SRP19: variants seen among roughly 807,000 people sequenced by gnomAD.
SRP19 encodes the protein signal recognition particle 19 kDa protein.
A neutral mutation model predicts 22.4 loss-of-function variants in SRP19; 11 were observed. The ratio of observed to expected loss-of-function variants is 0.49; its 90% CI spans 0.31 to 0.81. The LOEUF is 0.81. SRP19 is among the 40% of genes least tolerant of loss of function. SRP19 has a pLI of 0.05. For missense variants in SRP19, 168 were observed against 175.9 expected (o/e 0.96, Z 0.25); for synonymous variants, 61 against 57.6 (o/e 1.06, Z -0.27).
chr5:112,873,587 TCCACCTGCCTGGGCCTC>T (rs1450088665), downstream of SRP19, among the ~76,000 whole-genome samples: 1 of 152,012 alleles, frequency 6.6e-6, no homozygotes, highest in Non-Finnish European at 1.5e-5. Context: ...CCTCAGGTGA[TCCACCTGCCTGGGCCTC>T]CCAAAGTGCT....
chr5:112,868,342 T>C lies in SRP19; in HGVS notation c.*805T>C. 6 of 988,094 alleles carry C rather than the reference T, an allele frequency of 6.1e-6. No homozygotes were observed. The highest frequency in any genetic ancestry group is 7.2e-6 in the Non-Finnish European group (6 of 831,708). The allele number at this position is 988,094 out of a possible 1,614,324, so 61.2% of individuals were successfully genotyped here. ...TTCTTCCTGAGGCCTGGTTTAGCTC[T>C]TCCTTGAATTCTGCAAGCTATCTCA... is the stretch of plus-strand genomic sequence containing the variant. On this transcript the variant is annotated 3_prime_UTR_variant, in exon 5 of 5. Coordinates refer to ENST00000505459, the MANE Select transcript of SRP19 (RefSeq NM_003135.3).
chr5:112,892,154 A>C, exon 5 of SRP19: 1 of 1,614,194 alleles, frequency 6.2e-7, no homozygotes, highest in Non-Finnish European at 8.5e-7. Context: ...GTAATGGAGA[A>C]GGATCGAGCT....
intron 4 of SRP19, among the ~76,000 whole-genome samples, chr5:112,865,688 G>C (rs1376537975): frequency 6.6e-6 from 1 of 151,546 alleles, no homozygotes; most frequent in Non-Finnish European, 1.5e-5. Flanking sequence ...CCGACTCCCT[G>C]GTTCAAGCGA....
At chr5:112,885,642 G>A (rs971550811) in intron 4 of SRP19, 2 of 294,508 alleles carry the variant, frequency 6.8e-6, no homozygotes, top group Admixed American at 4.0e-5. Flanking sequence ...CTGCCAGCCT[G>A]GAGCAGCTCC....
At chr5:112,894,993 C>T (rs1189990875), downstream of SRP19, 1 of 149,160 alleles carries the variant, frequency 6.7e-6, no homozygotes, top group African/African-American at 2.5e-5. Context: ...AATCCCAGCA[C>T]TTTAGGAGGC....
In SRP19 at chr5:112,867,766, T is replaced by G. The variant is rs1767656658; in HGVS notation, c.*229T>G. On this transcript the variant is annotated 3_prime_UTR_variant, in exon 5 of 5. Coordinates refer to ENST00000505459, the MANE Select transcript of SRP19 (RefSeq NM_003135.3). ...GAATTTTTTTGTCTTTCAATGCAGT[T>G]TTTTGGAAGAAAATATTTTTAAATG... 3.2e-6 allele frequency: 4 copies of G among 1,237,152 alleles called. No homozygotes were observed. Among genetic ancestry groups the G allele is most frequent in the Non-Finnish European group, 4.0e-6 (4 of 989,072 alleles). 76.6% of individuals were successfully genotyped at this position (1,237,152 alleles called of 1,614,324 possible). A position where few individuals can be genotyped will look rare whatever the true frequency, so the allele number is the denominator to read the frequency against.
intron 4 of SRP19, among the ~76,000 whole-genome samples, chr5:112,866,482 G>A (rs56004167): frequency 0.029 from 4,476 of 152,230 alleles, 224 homozygotes; most frequent in African/African-American, 0.1. Context: ...AAGTAGCTGG[G>A]AATATCGGCA....
At chr5:112,891,339 C>A (rs1247642339) in intron 4 of SRP19, among the ~76,000 whole-genome samples, 1 of 152,092 alleles carries the variant, frequency 6.6e-6, no homozygotes, top group East Asian at 1.9e-4. Flanking sequence ...TCCTAAAGTG[C>A]TGGGATTACA....
intron 4 of SRP19, among the ~76,000 whole-genome samples, chr5:112,883,049 T>C (rs1433967484): frequency 1.3e-5 from 2 of 152,190 alleles, no homozygotes; most frequent in African/African-American, 2.4e-5. Context: ...CAATTCACCC[T>C]CTCACTCCTA....
intron 4 of SRP19, chr5:112,885,491 C>T (rs1050037860): frequency 5.0e-6 from 1 of 199,802 alleles, no homozygotes; most frequent in African/African-American, 2.4e-5. Flanking sequence ...TGCTTGACAT[C>T]CCTAACTAGG....
At position 112,864,488 on chromosome 5, in the gene SRP19, A is replaced by C; in HGVS notation, c.149A>C (p.Gln50Pro). The C allele has an allele frequency of 6.2e-7, 1 of 1,613,888 alleles. No homozygotes were observed. The highest frequency in any genetic ancestry group is 8.5e-7 in the Non-Finnish European group (1 of 1,179,994). ...GAAAATCCTACAGCTACAGAGATTC[A>C]AGATGTATGTTCAGCAGTTGGACTT... The part of the protein sequence containing the change: ...AVENPTATEI[Q>P]DVCSAVGLNV... Residue 50 changes from glutamine (Q) to proline (P), a missense_variant, in exon 3 of 5, where the codon CAA becomes CCA. Physicochemically the swap from Gln to Pro is moderately conservative, Grantham distance 76 (BLOSUM62 -1). Transcript: ENST00000505459.
chr5:112,876,421 T>C (rs568297051), intron 4 of SRP19: 126 of 152,354 alleles, frequency 8.3e-4, no homozygotes, highest in African/African-American at 2.8e-3. Flanking sequence ...ATCTATTTAT[T>C]TCCATTCAGT....
chr5:112,892,106 C>T (rs1768481393), exon 5 of SRP19: 1 of 1,613,760 alleles, frequency 6.2e-7, no homozygotes, highest in Non-Finnish European at 8.5e-7. Context: ...GAAAATAGTA[C>T]CACATGGCAA....
At chr5:112,876,135 CAG>C (rs1199010233) in intron 4 of SRP19, among the ~76,000 whole-genome samples, 1 of 151,098 alleles carries the variant, frequency 6.6e-6, no homozygotes, top group African/African-American at 2.4e-5. Context: ...TAAAAAAAAA[CAG>C]TGGATTCGGT....
chr5:112,869,601 A>C lies in SRP19; in HGVS notation c.*2064A>C, dbSNP rs438252. The C allele has an allele frequency of 0.7, 106,460 of 152,142 alleles. 37,641 individuals carry two copies. Among genetic ancestry groups the C allele is most frequent in the East Asian group, 0.91 (4,685 of 5,170 alleles). 9.4% of individuals were successfully genotyped at this position (152,142 alleles called of 1,614,324 possible). On this transcript the variant is annotated 3_prime_UTR_variant, in exon 5 of 5. Coordinates refer to ENST00000505459, the MANE Select transcript of SRP19 (RefSeq NM_003135.3). ...ACTTGATATGGTTTGGCTGCTACCC[A>C]ACCCAAAATCTCATCTTGAATTATA... is the stretch of plus-strand genomic sequence containing the variant.
intron 4 of SRP19, chr5:112,887,223 G>A (rs908964909): frequency 1.2e-4 from 176 of 1,504,362 alleles, no homozygotes; most frequent in South Asian, 8.5e-4. Flanking sequence ...CAGGAGGGTG[G>A]AGGGGGCACA....
At chr5:112,892,766 A>G (rs779666578) in exon 5 of SRP19, 1 of 1,613,994 alleles carries the variant, frequency 6.2e-7, no homozygotes, top group East Asian at 2.2e-5. Context: ...GGCCACCACG[A>G]CCACTACTAC....
Position 112,864,722 on chromosome 5 carries a change from G to T in SRP19, c.291G>T (p.Gln97His), listed in dbSNP as rs757816366. The T allele has an allele frequency of 1.2e-6, 2 of 1,612,098 alleles. No homozygotes were observed. Among genetic ancestry groups the T allele is most frequent in the Non-Finnish European group, 1.7e-6 (2 of 1,178,832 alleles). The change falls in exon 4 of 5, where the codon CAG (glutamine) becomes CAT (histidine). Residue 97 changes from glutamine to histidine, a missense_variant. By Grantham distance (24) the Gln-to-His change is conservative. Coordinates refer to ENST00000505459, the MANE Select transcript of SRP19 (RefSeq NM_003135.3). ...AAGATGGGAGCCTCTGCCTTGTACA[G>T]TTCCCATCACGTAAGCTTGTTTAAA... Reference protein sequence around the residue: ...KQEDGSLCLVQFPSRKSVMLY... With the variant: ...KQEDGSLCLVHFPSRKSVMLY...
chr5:112,892,426 G>C, exon 5 of SRP19: 1 of 1,614,078 alleles, frequency 6.2e-7, no homozygotes, highest in Non-Finnish European at 8.5e-7. Flanking sequence ...TCAGTTCAAG[G>C]TCAGCTGCAA....
Sources: allele counts gnomAD v4.1 joint callset (sites outside exome capture counted in the v4.1 genomes callset), GRCh38; gene constraint gnomAD v4.1.1; transcripts MANE v1.5; gene names NCBI Gene and HGNC (gene_info 2026-07-23, HGNC 2026-07-21).